The following GPHN variants were observed in gnomAD, a reference collection of about 807,000 sequenced individuals.
GPHN encodes gephyrin.
GPHN carries 17 observed loss-of-function variants against 95.5 expected under a neutral mutation model. That is an observed-to-expected ratio of 0.18 (90% confidence interval 0.12 to 0.27). GPHN has a LOEUF of 0.27. Ranked by LOEUF, GPHN falls within the 10% of genes least tolerant of loss-of-function variation. The pLI is 1.00. For synonymous variants in GPHN, 320 were observed against 322.5 expected (o/e 0.99, Z 0.08); for missense variants, 660 against 978.1 (o/e 0.67, Z 4.34).
intron 9 of GPHN, among the ~76,000 whole-genome samples, chr14:66,975,467 G>A (rs1203782079): frequency 1.3e-5 from 2 of 152,130 alleles, no homozygotes; most frequent in African/African-American, 4.8e-5. Flanking sequence ...CTGATTTACT[G>A]GCAGACATTT....
chr14:67,591,054 G>A, the GPHN span, among the ~76,000 whole-genome samples: 1 of 151,932 alleles, frequency 6.6e-6, no homozygotes, highest in Admixed American at 6.6e-5. Context: ...TAATAAAAGT[G>A]CACTACCTAA....
chr14:67,031,446 A>G (rs1030296776), intron 10 of GPHN, among the ~76,000 whole-genome samples: 2 of 152,138 alleles, frequency 1.3e-5, no homozygotes, highest in African/African-American at 2.4e-5. Context: ...ACCTTTCTTT[A>G]TATAACTAAG....
At chr14:67,392,187 G>A in the GPHN span, 1 of 662,412 alleles carries the variant, frequency 1.5e-6, no homozygotes, top group East Asian at 2.6e-5. Context: ...GGAGGCTGGT[G>A]CTGGGCTCTT....
intron 2 of GPHN, among the ~76,000 whole-genome samples, chr14:66,723,705 G>A (rs2070966540): frequency 6.6e-6 from 1 of 152,074 alleles, no homozygotes; most frequent in South Asian, 2.1e-4. Flanking sequence ...GTAAACCTAA[G>A]TGGAAAACAA....
the GPHN span, among the ~76,000 whole-genome samples, chr14:67,545,416 G>C: frequency 6.6e-6 from 1 of 152,146 alleles, no homozygotes; most frequent in African/African-American, 2.4e-5. Flanking sequence ...CAGTCTTTAA[G>C]TCTAGACTAA....
the GPHN span, among the ~76,000 whole-genome samples, chr14:67,367,016 T>C: frequency 9.2e-5 from 14 of 152,130 alleles, no homozygotes; most frequent in Admixed American, 7.2e-4. Context: ...TGGTGAGGGT[T>C]AGAGAAAGGA....
chr14:66,581,999 T>C (rs185105468), intron 1 of GPHN, among the ~76,000 whole-genome samples: 82 of 152,154 alleles, frequency 5.4e-4, no homozygotes, highest in African/African-American at 1.7e-3. Context: ...AAAAATGATA[T>C]AGAACTTGAA....
At chr14:67,585,520 A>G in the GPHN span, 2 of 1,308,666 alleles carry the variant, frequency 1.5e-6, no homozygotes, top group Non-Finnish European at 2.2e-6. Flanking sequence ...TTATAGTTCA[A>G]AATCTCTAAC....
intron 2 of GPHN, among the ~76,000 whole-genome samples, chr14:66,705,586 G>C (rs2153418051): frequency 6.6e-6 from 1 of 152,288 alleles, no homozygotes; most frequent in Admixed American, 6.5e-5. Flanking sequence ...CTGAATAGAT[G>C]CAGAAAAGGC....
chr14:66,537,122 A>G (rs543205623), intron 1 of GPHN, among the ~76,000 whole-genome samples: 3 of 151,638 alleles, frequency 2.0e-5, no homozygotes, highest in South Asian at 2.1e-4. Context: ...CAGCCAATCT[A>G]TATTCTTGTA....
chr14:66,551,206 T>C (rs2059799952), intron 1 of GPHN: 1 of 152,318 alleles, frequency 6.6e-6, no homozygotes, highest in Admixed American at 6.5e-5. Flanking sequence ...TTTTTAGATA[T>C]AATGCTTTTG....
chr14:66,518,486 G>A (rs114567362), intron 1 of GPHN, among the ~76,000 whole-genome samples: 247 of 152,142 alleles, frequency 1.6e-3, no homozygotes, highest in African/African-American at 5.4e-3. Context: ...TTCACCACTC[G>A]GCACTTACCC....
At chr14:66,969,412 T>C (rs1187378468) in intron 9 of GPHN, 1 of 152,228 alleles carries the variant, frequency 6.6e-6, no homozygotes. Flanking sequence ...AGAATAATTC[T>C]GTAATTGATA....
At chr14:67,288,294 C>G in the GPHN span, among the ~76,000 whole-genome samples, 1 of 152,130 alleles carries the variant, frequency 6.6e-6, no homozygotes, top group African/African-American at 2.4e-5. Flanking sequence ...GTTGGCCAGA[C>G]TGGTCTTGAA....
the GPHN span, chr14:67,199,607 A>C: frequency 6.3e-7 from 1 of 1,589,556 alleles, no homozygotes; most frequent in Non-Finnish European, 8.6e-7. Context: ...GAAGGACTCC[A>C]AGGGTGAGCG....
chr14:66,755,312 G>T (rs1407930237), intron 2 of GPHN, among the ~76,000 whole-genome samples: 2 of 152,044 alleles, frequency 1.3e-5, no homozygotes, highest in Non-Finnish European at 2.9e-5. Flanking sequence ...GAGCATAACT[G>T]CATAACATGG....
intron 1 of GPHN, among the ~76,000 whole-genome samples, chr14:66,607,576 G>T (rs1205725058): frequency 1.3e-5 from 2 of 151,816 alleles, no homozygotes; most frequent in African/African-American, 4.8e-5. Context: ...AGTAGGATTG[G>T]TGCCAGTTCT....
In GPHN at chr14:67,111,869, A is replaced by G. The variant is rs1329323276; in HGVS notation, c.1422A>G (p.Glu474=). The G allele has an allele frequency of 6.2e-7, 1 of 1,612,906 alleles. No homozygotes were observed. The highest frequency in any genetic ancestry group is 8.5e-7 in the Non-Finnish European group (1 of 1,179,008). ...ACCGGCTGTTATTATAGGGCACTGA[A>G]GAACTTGAAGTGCGAATTCTGGTGC... ...ELIRESDDGT[E]ELEVRILVQA... Residue 474 remains glutamate (E), a synonymous_variant, in exon 15 of 23, where the codon GAA becomes GAG. Transcript: ENST00000478722.
intron 8 of GPHN, among the ~76,000 whole-genome samples, chr14:66,933,771 C>A (rs1459789336): frequency 2.6e-5 from 4 of 152,090 alleles, no homozygotes; most frequent in Admixed American, 2.6e-4. Flanking sequence ...TTGCAGAATT[C>A]TTTCAAGGTA....
Sources: gnomAD v4.1 joint callset for allele counts (sites outside exome capture counted in the v4.1 genomes callset) on GRCh38, gnomAD v4.1.1 for gene constraint, MANE v1.5 for transcripts, NCBI Gene and HGNC (gene_info 2026-07-23, HGNC 2026-07-21) for gene names.